FREM2: variants seen among roughly 807,000 people sequenced by gnomAD.
FREM2 encodes FRAS1 related extracellular matrix 2.
FREM2 carries 119 observed loss-of-function variants against 219.9 expected under a neutral mutation model. The observed-to-expected ratio is 0.54, with a 90% CI of 0.47 to 0.63. FREM2 has a LOEUF of 0.63. Among genes scored for constraint, FREM2 ranks in the 30% least tolerant of loss-of-function variants. The pLI is 0.00. For missense variants in FREM2, 4,030 were observed against 3,993.6 expected (o/e 1.01, Z -0.25); for synonymous variants, 1,562 against 1,522.8 (o/e 1.03, Z -0.60).
In FREM2 at chr13:38,872,776, GAGT is replaced by G; in HGVS notation, c.8019_8021del (p.Val2674del). On this transcript the variant is annotated inframe_deletion, in exon 17 of 24. Coordinates refer to ENST00000280481, the MANE Select transcript of FREM2 (RefSeq NM_207361.6). ...CTAGTGCAGTCCTATGTGACCCTTC[GAGT>G]CCCTCTGTATGTTTCCTACGTGTTC... 1 of 1,613,958 alleles carries G rather than the reference GAGT, an allele frequency of 6.2e-7. No homozygotes were observed. Among genetic ancestry groups the G allele is most frequent in the Non-Finnish European group, 8.5e-7 (1 of 1,179,932 alleles).
intron 17 of FREM2, among the ~76,000 whole-genome samples, chr13:38,873,382 C>T (rs1225447530): frequency 6.6e-6 from 1 of 152,176 alleles, no homozygotes; most frequent in Non-Finnish European, 1.5e-5. Context: ...CATGACTCTA[C>T]AACTAACTAG....
intron 2 of FREM2, among the ~76,000 whole-genome samples, chr13:38,715,251 A>G (rs981419822): frequency 7.9e-5 from 12 of 152,236 alleles, no homozygotes; most frequent in Non-Finnish European, 1.2e-4. Flanking sequence ...AAGGAAAAAG[A>G]ACCCTGTACA....
chr13:38,812,209 A>C (rs1474049534), intron 6 of FREM2, among the ~76,000 whole-genome samples: 2 of 152,032 alleles, frequency 1.3e-5, no homozygotes, highest in African/African-American at 4.8e-5. Context: ...TATGTTTCTT[A>C]TAGTCAAGAG....
chr13:38,748,800 T>C (rs1181254892), intron 2 of FREM2, among the ~76,000 whole-genome samples: 3 of 152,172 alleles, frequency 2.0e-5, no homozygotes, highest in African/African-American at 4.8e-5. Flanking sequence ...TTTTGGGAAG[T>C]GCTTTCCCAA....
At position 38,880,558 on chromosome 13, in the gene FREM2, C is replaced by T; in HGVS notation, c.9281C>T (p.Pro3094Leu). 1.2e-6 allele frequency: 2 copies of T among 1,614,190 alleles called. No homozygotes were observed. The highest frequency in any genetic ancestry group is 1.7e-6 in the Non-Finnish European group (2 of 1,180,032). Residue 3094 changes from proline to leucine, a missense_variant, in exon 24 of 24, where the codon CCA becomes CTA. By Grantham distance (98) the Pro-to-Leu change is moderately conservative. Around this residue, in one of 2 missense-constraint regions of FREM2, gnomAD observed 928 missense variants for 1,042.9 expected, o/e 0.89. Coordinates refer to ENST00000280481, the MANE Select transcript of FREM2 (RefSeq NM_207361.6). ...KRQIPHGRAPPDGILPWELNS... is the reference protein window; with the variant it reads ...KRQIPHGRAPLDGILPWELNS... Reference sequence around the variant, plus strand: ...CAGATCCCCCATGGGAGAGCACCTCCAGATGGCATCCTCCCCTGGGAGCTC... The same window carrying T: ...CAGATCCCCCATGGGAGAGCACCTCTAGATGGCATCCTCCCCTGGGAGCTC...
intron 15 of FREM2, among the ~76,000 whole-genome samples, chr13:38,863,498 A>G (rs543648610): frequency 2.0e-5 from 3 of 152,342 alleles, no homozygotes; most frequent in East Asian, 1.9e-4. Context: ...AAAAATTACA[A>G]AAAGAAATAC....
At chr13:38,722,780 G>A (rs577952858) in intron 2 of FREM2, among the ~76,000 whole-genome samples, 8 of 147,034 alleles carry the variant, frequency 5.4e-5, no homozygotes, top group Admixed American at 1.4e-4. Flanking sequence ...GCCTGTCCAC[G>A]TGACCTCAGA....
At chr13:38,771,266 A>C (rs1214497844) in intron 4 of FREM2, among the ~76,000 whole-genome samples, 2 of 152,230 alleles carry the variant, frequency 1.3e-5, no homozygotes, top group Non-Finnish European at 2.9e-5. Flanking sequence ...AGAGATAAAT[A>C]ACTAAACTTT....
intron 6 of FREM2, among the ~76,000 whole-genome samples, chr13:38,826,312 T>A (rs926818616): frequency 6.6e-6 from 1 of 152,060 alleles, no homozygotes; most frequent in Admixed American, 6.6e-5. Context: ...ACCAAAGAAG[T>A]TGATTTCCCC....
chr13:38,801,399 A>G lies in FREM2; in HGVS notation c.6019+16591A>G, dbSNP rs556707921. On this transcript the variant is annotated intron_variant, in intron 6 of 23. Coordinates refer to ENST00000280481, the MANE Select transcript of FREM2 (RefSeq NM_207361.6). The stretch of plus-strand genomic sequence containing the variant: ...CATGCTTATTTGAAGATTTCTTTCC[A>G]TGCTTTTTCATGTTTCCTGTGTCCT... Among the ~76,000 whole-genome samples, 393 of 152,232 alleles carry G rather than the reference A, an allele frequency of 2.6e-3. 3 individuals are homozygous for G. The highest frequency in any genetic ancestry group is 0.01 in the Middle Eastern group (3 of 294).
At chr13:38,735,041 C>T (rs1396062060) in intron 2 of FREM2, among the ~76,000 whole-genome samples, 1 of 152,152 alleles carries the variant, frequency 6.6e-6, no homozygotes, top group Admixed American at 6.6e-5. Flanking sequence ...CCACTGCGCC[C>T]AGCCAGTGCT....
chr13:38,698,723 G>A (rs1566108561), intron 2 of FREM2, among the ~76,000 whole-genome samples: 1 of 152,122 alleles, frequency 6.6e-6, no homozygotes, highest in Non-Finnish European at 1.5e-5. Context: ...ACACTATTAT[G>A]TCGTCTATCT....
chr13:38,867,623 A>G (rs1878018505), intron 16 of FREM2, among the ~76,000 whole-genome samples: 1 of 152,174 alleles, frequency 6.6e-6, no homozygotes, highest in Admixed American at 6.5e-5. Flanking sequence ...CATCTGCAAG[A>G]TGGAGAACCA....
At chr13:38,824,337 C>A (rs1021372255) in intron 6 of FREM2, among the ~76,000 whole-genome samples, 6 of 152,016 alleles carry the variant, frequency 3.9e-5, no homozygotes, top group African/African-American at 1.4e-4. Context: ...GGTATATGTT[C>A]TTGGGATAAT....
chr13:38,743,671 G>A (rs1407222110), intron 2 of FREM2, among the ~76,000 whole-genome samples: 3 of 152,126 alleles, frequency 2.0e-5, no homozygotes, highest in African/African-American at 7.2e-5. Flanking sequence ...GTTGATAATT[G>A]TGCTCTGGAG....
chr13:38,748,249 A>G (rs1035356336), intron 2 of FREM2, among the ~76,000 whole-genome samples: 13 of 152,098 alleles, frequency 8.5e-5, no homozygotes, highest in East Asian at 1.9e-4. Flanking sequence ...CTGAACTTAT[A>G]TTTTTCTTGG....
rs1405073809 is a variant in FREM2 at position 38,857,220 on chromosome 13, A to C, written c.7057-655A>C. On this transcript the variant is annotated intron_variant, in intron 12 of 23. Transcript: ENST00000280481. ...GCTTCTTTTAAAAATATACACGTAAAGATAGTTCAGGAAACTATGCTATGT... is the reference window on the plus strand; with the variant it reads ...GCTTCTTTTAAAAATATACACGTAACGATAGTTCAGGAAACTATGCTATGT... Among the ~76,000 whole-genome samples, 3 of 152,204 alleles carry C rather than the reference A, an allele frequency of 2.0e-5. No individual in the cohort carries two copies. The East Asian group carries it at 5.8e-4, about 29-fold the overall frequency.
chr13:38,822,269 G>A (rs150620571), intron 6 of FREM2, among the ~76,000 whole-genome samples: 2 of 151,540 alleles, frequency 1.3e-5, no homozygotes, highest in South Asian at 2.1e-4. Flanking sequence ...CAAACAATGG[G>A]TTTCACAGGC....
At chr13:38,857,121 TA>T (rs1365316616) in intron 12 of FREM2, among the ~76,000 whole-genome samples, 1 of 152,196 alleles carries the variant, frequency 6.6e-6, no homozygotes, top group African/African-American at 2.4e-5. Context: ...CTTTTATTAT[TA>T]TTTTTATGGA....
Sources: allele counts gnomAD v4.1 joint callset (sites outside exome capture counted in the v4.1 genomes callset), GRCh38; gene constraint gnomAD v4.1.1; regional missense constraint gnomAD v4.1.1; transcripts MANE v1.5; gene names NCBI Gene and HGNC (gene_info 2026-07-23, HGNC 2026-07-21).